PCTP: variants seen among roughly 807,000 people sequenced by gnomAD.
PCTP encodes the protein START domain-containing protein 2.
A neutral mutation model predicts 31.0 loss-of-function variants in PCTP; 27 were observed. The ratio of observed to expected loss-of-function variants is 0.87; its 90% CI spans 0.64 to 1.20. The LOEUF is 1.20. PCTP is among the 50% of genes most tolerant of loss of function. PCTP has a pLI of 0.00. For missense variants in PCTP, 287 were observed against 268.2 expected, an observed-to-expected ratio of 1.07 and a Z score of -0.49; for synonymous variants, 108 against 101.2, an observed-to-expected ratio of 1.07 and a Z score of -0.40.
chr17:55,828,976 T>C (rs1234397971), intron 5 of PCTP, among the ~76,000 whole-genome samples: 1 of 152,074 alleles, frequency 6.6e-6, no homozygotes, highest in Non-Finnish European at 1.5e-5. Flanking sequence ...ACGGAAGAGA[T>C]GCAGAAGGAG....
intron 3 of PCTP, among the ~76,000 whole-genome samples, chr17:55,822,512 A>G (rs193044749): frequency 1.8e-4 from 27 of 152,322 alleles, no homozygotes; most frequent in African/African-American, 6.3e-4. Flanking sequence ...GGAATATTTC[A>G]GTGGGGGGAT....
chr17:55,753,234 C>G (rs1374152968), intron 1 of PCTP, among the ~76,000 whole-genome samples: 1 of 152,186 alleles, frequency 6.6e-6, no homozygotes, highest in African/African-American at 2.4e-5. Context: ...ATTGCAGTGA[C>G]CTCTTAACTA....
At chr17:55,752,665 C>G (rs1909777816) in intron 1 of PCTP, among the ~76,000 whole-genome samples, 1 of 152,214 alleles carries the variant, frequency 6.6e-6, no homozygotes, top group South Asian at 2.1e-4. Flanking sequence ...TTACATAATC[C>G]AGAACACAGC....
intron 2 of PCTP, among the ~76,000 whole-genome samples, chr17:55,783,255 CG>C (rs1911627862): frequency 6.6e-6 from 1 of 151,888 alleles, no homozygotes; most frequent in Admixed American, 6.6e-5. Flanking sequence ...ATACTAGCCC[CG>C]TAAAAGTCTA....
At chr17:55,789,611 T>C (rs186676158) in intron 3 of PCTP, among the ~76,000 whole-genome samples, 3 of 152,270 alleles carry the variant, frequency 2.0e-5, no homozygotes, top group African/African-American at 7.2e-5. Context: ...TGTGAAGGCT[T>C]CCTAAATCCC....
At position 55,776,166 on chromosome 17, in the gene PCTP, C is replaced by G; in HGVS notation, c.*66C>G. ...CTGGAAGTGCAACCACCCAATGTCT[C>G]TGGAAGTGCCACCTGGAAGTGCCAC... On this transcript the variant is annotated 3_prime_UTR_variant, in exon 6 of 6. Coordinates refer to ENST00000268896, the MANE Select transcript of PCTP (RefSeq NM_021213.4). 2.5e-6 allele frequency: 4 copies of G among 1,586,968 alleles called. No homozygotes were observed. The highest frequency in any genetic ancestry group is 3.4e-6 in the Non-Finnish European group (4 of 1,165,086).
intron 2 of PCTP, among the ~76,000 whole-genome samples, chr17:55,786,283 C>T (rs1176701247): frequency 6.6e-6 from 1 of 151,758 alleles, no homozygotes; most frequent in Non-Finnish European, 1.5e-5. Flanking sequence ...GACTCTGTCC[C>T]CAAAATAAAA....
At chr17:55,780,447 G>A (rs1911521056), downstream of PCTP, among the ~76,000 whole-genome samples, 1 of 152,196 alleles carries the variant, frequency 6.6e-6, no homozygotes, top group African/African-American at 2.4e-5. Context: ...TGAGCAGTTT[G>A]CTACAAGCTC....
chr17:55,769,557 C>T (rs910043732), intron 2 of PCTP: 2 of 152,232 alleles, frequency 1.3e-5, no homozygotes, highest in Non-Finnish European at 2.9e-5. Flanking sequence ...TGCTGAGTCT[C>T]TGATGTTTGC....
chr17:55,774,202 G>T (rs1372386371), intron 4 of PCTP, among the ~76,000 whole-genome samples: 2 of 152,202 alleles, frequency 1.3e-5, no homozygotes, highest in Non-Finnish European at 2.9e-5. Flanking sequence ...AGCTGGTCCT[G>T]TGGATACATA....
At chr17:55,795,980 G>A (rs1912174842) in intron 3 of PCTP, among the ~76,000 whole-genome samples, 1 of 152,016 alleles carries the variant, frequency 6.6e-6, no homozygotes. Context: ...TCTGGTGATA[G>A]AGATGAAGGA....
chr17:55,814,013 G>A (rs1461316116), intron 3 of PCTP, among the ~76,000 whole-genome samples: 1 of 151,362 alleles, frequency 6.6e-6, no homozygotes, highest in Non-Finnish European at 1.5e-5. Context: ...TCGTGTCACT[G>A]CACTCCAGCC....
exon 4 of PCTP, chr17:55,823,000 A>G (rs1905285362): frequency 5.0e-6 from 2 of 402,222 alleles, no homozygotes; most frequent in African/African-American, 2.1e-5. Context: ...ATTTTCGCAG[A>G]TGTGAAATTC....
At chr17:55,795,894 GATCCCT>G (rs1218825759) in intron 3 of PCTP, among the ~76,000 whole-genome samples, 1 of 152,086 alleles carries the variant, frequency 6.6e-6, no homozygotes, top group Non-Finnish European at 1.5e-5. Flanking sequence ...TACCTGGGAT[GATCCCT>G]ATACATATGT....
the PCTP span, among the ~76,000 whole-genome samples, chr17:55,849,702 GATTCA>G: frequency 6.6e-6 from 1 of 152,042 alleles, no homozygotes; most frequent in Non-Finnish European, 1.5e-5. Flanking sequence ...GGAAAGGAAA[GATTCA>G]ATTCATTTTA....
chr17:55,779,973 C>A (rs146425205), downstream of PCTP, among the ~76,000 whole-genome samples: 108 of 152,204 alleles, frequency 7.1e-4, no homozygotes, highest in African/African-American at 2.6e-3. Flanking sequence ...CCCATCAGAG[C>A]AGAGCCATTT....
chr17:55,751,229 C>T lies in PCTP; in HGVS notation c.126C>T (p.Tyr42=), dbSNP rs1276121859. 1 of 1,542,010 alleles carries T rather than the reference C, an allele frequency of 6.5e-7. No individual in the cohort carries two copies. Among genetic ancestry groups the T allele is most frequent in the Non-Finnish European group, 8.7e-7 (1 of 1,143,282 alleles). The change falls in exon 1 of 6, where the codon TAC becomes TAT. Residue 42 remains tyrosine (Y), a synonymous_variant. Coordinates refer to ENST00000268896, the MANE Select transcript of PCTP (RefSeq NM_021213.4). ...LLVETSGISI[Y]RLLDKKTGLY... is the part of the protein sequence containing the mutation. The stretch of plus-strand genomic sequence containing the variant: ...TGGAGACCTCGGGCATCAGCATCTA[C>T]CGGCTGCTGGACAAGGTAGCGGCCA...
intron 5 of PCTP, among the ~76,000 whole-genome samples, chr17:55,841,897 C>T (rs1905994288): frequency 4.6e-5 from 7 of 152,210 alleles, no homozygotes; most frequent in Admixed American, 4.6e-4. Context: ...AAAACCATCT[C>T]TGTCTACCTA....
At chr17:55,778,757 A>AGTC (rs1911456930), downstream of PCTP, among the ~76,000 whole-genome samples, 1 of 152,170 alleles carries the variant, frequency 6.6e-6, no homozygotes, top group African/African-American at 2.4e-5. Flanking sequence ...GTTTGAATTG[A>AGTC]GTCCGGCTGA....
Sources: gnomAD v4.1 joint callset for allele counts (sites outside exome capture counted in the v4.1 genomes callset) on GRCh38, gnomAD v4.1.1 for gene constraint, MANE v1.5 for transcripts, NCBI Gene and HGNC (gene_info 2026-07-23, HGNC 2026-07-21) for gene names.